RALGAPA2: variants seen among roughly 807,000 people sequenced by gnomAD.
RALGAPA2 encodes ral GTPase-activating protein subunit alpha-2.
A neutral mutation model predicts 230.4 loss-of-function variants in RALGAPA2; 139 were observed. That is an observed-to-expected ratio of 0.60 (90% confidence interval 0.53 to 0.69). RALGAPA2 has a LOEUF of 0.69. RALGAPA2 is among the 30% of genes least tolerant of loss of function. RALGAPA2 has a pLI of 0.00. For synonymous variants in RALGAPA2, 847 were observed against 837.8 expected, an observed-to-expected ratio of 1.01 and a Z score of -0.19; for missense variants, 2,163 against 2,276.0, an observed-to-expected ratio of 0.95 and a Z score of 1.01.
intron 35 of RALGAPA2, 64 bp downstream of exon 35, chr20:20,503,287 G>A: frequency 7.2e-7 from 1 of 1,379,876 alleles, no homozygotes; most frequent in South Asian, 1.5e-5. Flanking sequence ...GTATTTGTCT[G>A]TCCTAGGAGA....
chr20:20,394,238 C>CA (rs1421105073), intron 39 of RALGAPA2, among the ~76,000 whole-genome samples: 3 of 152,156 alleles, frequency 2.0e-5, no homozygotes, highest in African/African-American at 7.2e-5. Flanking sequence ...TCAATACTTG[C>CA]AAACGTGCTT....
Position 20,629,553 on chromosome 20 carries a change from T to C in RALGAPA2, c.1043A>G (p.Glu348Gly). ...GGGAVQERAP[E>G]LDGGGPTEQD... ...CTCCGTGGGCCCACCACCATCCAGCTCAGGCGCTCTCTCCTGCACAGCACC... is the reference window on the plus strand; with the variant it reads ...CTCCGTGGGCCCACCACCATCCAGCCCAGGCGCTCTCTCCTGCACAGCACC... The change falls in exon 10 of 40, where the codon GAG becomes GGG. Residue 348 changes from glutamate to glycine, a missense_variant. Transcript: ENST00000202677. The C allele has an allele frequency of 1.2e-5, 19 of 1,613,690 alleles. No individual in the cohort carries two copies. The highest frequency in any genetic ancestry group is 1.4e-5 in the Non-Finnish European group (16 of 1,179,884).
In RALGAPA2 at chr20:20,504,716, CTCTG is replaced by C. The variant is rs1219243234; in HGVS notation, c.5052+691_5052+694del. Among the ~76,000 whole-genome samples the C allele has an allele frequency of 2.0e-5, 3 of 151,296 alleles. No individual in the cohort carries two copies. The East Asian group carries it at 5.8e-4, about 29-fold the overall frequency. On this transcript the variant is annotated intron_variant, in intron 34 of 39. Transcript: ENST00000202677. ...ACTCCAGCCTGGTGAAAGAGCAAGA[CTCTG>C]TCTAAGAAAAGACAAAAAAAAAAGA...
At chr20:20,498,582 T>C (rs1399210620) in intron 35 of RALGAPA2, among the ~76,000 whole-genome samples, 1 of 152,184 alleles carries the variant, frequency 6.6e-6, no homozygotes, top group Non-Finnish European at 1.5e-5. Context: ...TGCTCCTCAG[T>C]GGGCCCGGCT....
chr20:20,516,190 G>C (rs998910867), intron 31 of RALGAPA2, among the ~76,000 whole-genome samples: 4 of 152,198 alleles, frequency 2.6e-5, no homozygotes, highest in Non-Finnish European at 5.9e-5. Context: ...CACTCAAGGA[G>C]AGTCAGAGCA....
chr20:20,685,694 G>C (rs1037507882), intron 1 of RALGAPA2, among the ~76,000 whole-genome samples: 1 of 152,208 alleles, frequency 6.6e-6, no homozygotes, highest in Non-Finnish European at 1.5e-5. Context: ...AGAGGAGAAA[G>C]AGCAGGAGGA....
intron 33 of RALGAPA2, among the ~76,000 whole-genome samples, chr20:20,508,578 G>A (rs944396978): frequency 1.3e-5 from 2 of 152,194 alleles, no homozygotes; most frequent in African/African-American, 2.4e-5. Context: ...GACCATAGCT[G>A]CAAGATAGCC....
chr20:20,411,007 T>G (rs2060048961), intron 38 of RALGAPA2, among the ~76,000 whole-genome samples: 2 of 152,248 alleles, frequency 1.3e-5, no homozygotes, highest in African/African-American at 2.4e-5. Context: ...CAATGATGCA[T>G]GGCTGATTTT....
At chr20:20,576,316 C>T (rs1412825474) in intron 20 of RALGAPA2, among the ~76,000 whole-genome samples, 3 of 152,084 alleles carry the variant, frequency 2.0e-5, no homozygotes, top group African/African-American at 7.2e-5. Context: ...GTTCCAGGAT[C>T]TCATCCAGGA....
intron 37 of RALGAPA2, among the ~76,000 whole-genome samples, chr20:20,458,581 C>T (rs1186951071): frequency 5.6e-5 from 6 of 108,078 alleles, no homozygotes; most frequent in African/African-American, 2.6e-4. Context: ...AATATATATA[C>T]CAATACAATA....
intron 16 of RALGAPA2, among the ~76,000 whole-genome samples, chr20:20,600,344 A>G (rs2065601515): frequency 1.3e-5 from 2 of 152,332 alleles, no homozygotes; most frequent in South Asian, 4.1e-4. Flanking sequence ...AATAGTTTTT[A>G]GGAATTGGAA....
At chr20:20,670,949 C>CAAA (rs576675004) in intron 3 of RALGAPA2, among the ~76,000 whole-genome samples, 2 of 55,874 alleles carry the variant, frequency 3.6e-5, no homozygotes, top group Non-Finnish European at 3.8e-5. Flanking sequence ...GACTCCGTCT[C>CAAA]AAAAAAAAAA....
intron 10 of RALGAPA2, among the ~76,000 whole-genome samples, chr20:20,626,908 A>C (rs145059829): frequency 6.6e-6 from 1 of 152,166 alleles, no homozygotes; most frequent in Non-Finnish European, 1.5e-5. Flanking sequence ...TAAAATATTT[A>C]CTAGTTGGCC....
At chr20:20,561,793 G>A (rs891479425) in intron 23 of RALGAPA2, among the ~76,000 whole-genome samples, 4 of 152,182 alleles carry the variant, frequency 2.6e-5, no homozygotes, top group African/African-American at 9.6e-5. Context: ...GTCATCTGCA[G>A]AAGTACTCCT....
chr20:20,504,471 C>T (rs1278870272), intron 34 of RALGAPA2, among the ~76,000 whole-genome samples: 3 of 152,172 alleles, frequency 2.0e-5, no homozygotes, highest in East Asian at 3.8e-4. Flanking sequence ...GCCGGGCAAT[C>T]CCAGCACTTT....
intron 38 of RALGAPA2, among the ~76,000 whole-genome samples, chr20:20,401,148 A>G (rs1324217910): frequency 6.6e-6 from 1 of 152,220 alleles, no homozygotes; most frequent in African/African-American, 2.4e-5. Flanking sequence ...ATCGACTTGT[A>G]TACTTCATGT....
At chr20:20,564,196 T>A (rs554011131) in intron 23 of RALGAPA2, among the ~76,000 whole-genome samples, 2 of 152,338 alleles carry the variant, frequency 1.3e-5, no homozygotes, top group South Asian at 4.1e-4. Context: ...CATATATTAT[T>A]TCTACGCATA....
chr20:20,396,626 G>T (rs1253835222), intron 39 of RALGAPA2, 69 bp downstream of exon 39: 1 of 1,423,546 alleles, frequency 7.0e-7, no homozygotes. Context: ...GAGGGCAGCC[G>T]ATTAGAAAAG....
intron 23 of RALGAPA2, among the ~76,000 whole-genome samples, chr20:20,563,826 AACAC>A (rs558467470): frequency 2.0e-5 from 3 of 150,938 alleles, no homozygotes; most frequent in Non-Finnish European, 3.0e-5. Context: ...CACACAGACA[AACAC>A]ACACACACAC....
Sources: gnomAD v4.1 joint callset for allele counts (sites outside exome capture counted in the v4.1 genomes callset) on GRCh38, gnomAD v4.1.1 for gene constraint, MANE v1.5 for transcripts, NCBI Gene and HGNC (gene_info 2026-07-23, HGNC 2026-07-21) for gene names.